Variants in SPTBN1 observed in about 807,000 individuals in gnomAD.
The protein encoded by SPTBN1 is spectrin beta, non-erythrocytic 1, also known as spectrin beta chain, non-erythrocytic 1.
In SPTBN1, 32 loss-of-function variants were observed where a neutral mutation model predicts 266.4. The observed-to-expected ratio is 0.12, with a 90% confidence interval of 0.09 to 0.16. The LOEUF (loss-of-function observed/expected upper bound fraction) is 0.16. Ranked by LOEUF, SPTBN1 falls within the 10% of genes least tolerant of loss-of-function variation. The pLI, the probability that SPTBN1 is intolerant of heterozygous loss-of-function variation, is 1.00. For missense variants in SPTBN1, 2,296 were observed against 3,067.1 expected (o/e 0.75, Z 5.94); for synonymous variants, 1,336 against 1,162.2 (o/e 1.15, Z -3.04).
At chr2:54,477,182 G>A (rs927722158) in intron 1 of SPTBN1, among the ~76,000 whole-genome samples, 3 of 152,116 alleles carry the variant, frequency 2.0e-5, no homozygotes, top group African/African-American at 7.2e-5. Context: ...AGAAGACTTT[G>A]GATTTAAACA....
At chr2:54,544,668 T>C (rs977466354) in intron 2 of SPTBN1, among the ~76,000 whole-genome samples, 6 of 152,184 alleles carry the variant, frequency 3.9e-5, no homozygotes, top group Admixed American at 1.3e-4. Context: ...CAAAAAGATA[T>C]GGCAATATGA....
In SPTBN1 at chr2:54,646,565, A is replaced by T; in HGVS notation, c.4866+90A>T. On this transcript the variant is annotated intron_variant, in intron 23 of 35. Transcript: ENST00000356805. The surrounding 1 kb of genome is among the most constrained non-coding windows in gnomAD (Gnocchi z 4.4). ...TCTGCTGGCGGCTCTGTCTGTATAA[A>T]AACTTCCCTTGTAGCCTTTGAGTGT... 7.2e-7 allele frequency: 1 copy of T among 1,391,248 alleles called. No individual in the cohort carries two copies. Among genetic ancestry groups the T allele is most frequent in the Non-Finnish European group, 9.4e-7 (1 of 1,065,794 alleles). The allele number at this position is 1,391,248 out of a possible 1,614,324, so 86.2% of individuals were successfully genotyped here.
intron 1 of SPTBN1, among the ~76,000 whole-genome samples, chr2:54,512,157 G>A (rs766218809): frequency 6.6e-6 from 1 of 152,178 alleles, no homozygotes; most frequent in Non-Finnish European, 1.5e-5. Flanking sequence ...GCTGTACTTC[G>A]CTTGCTTGTC....
At chr2:54,569,798 T>C (rs1272355791) in intron 2 of SPTBN1, among the ~76,000 whole-genome samples, 1 of 152,194 alleles carries the variant, frequency 6.6e-6, no homozygotes, top group African/African-American at 2.4e-5. Flanking sequence ...TAAGGGCTCA[T>C]AGGATTATTA....
chr2:54,559,433 T>C (rs952268818), intron 2 of SPTBN1, among the ~76,000 whole-genome samples: 7 of 152,358 alleles, frequency 4.6e-5, no homozygotes, highest in Non-Finnish European at 7.3e-5. Flanking sequence ...ATCTATTTAG[T>C]GGGCTATATA....
intron 3 of SPTBN1, among the ~76,000 whole-genome samples, chr2:54,605,623 C>T (rs916586081): frequency 6.6e-6 from 1 of 152,196 alleles, no homozygotes; most frequent in Non-Finnish European, 1.5e-5. Flanking sequence ...TCATGATCAC[C>T]TCTTGAAATT....
At chr2:54,468,474 A>G (rs1241111058) in intron 1 of SPTBN1, among the ~76,000 whole-genome samples, 1 of 152,054 alleles carries the variant, frequency 6.6e-6, no homozygotes, top group African/African-American at 2.4e-5. Flanking sequence ...TAAACTGAAG[A>G]TGTAGAGTTT....
rs552587453 is a variant in SPTBN1, at chr2:54,469,744, C to T, written c.-48+13226C>T. Among the ~76,000 whole-genome samples the T allele has an allele frequency of 2.0e-5, 3 of 152,294 alleles. No individual in the cohort carries two copies. The South Asian group carries it at 6.2e-4, about 32-fold the overall frequency. On this transcript the variant is annotated intron_variant, in intron 1 of 35. Transcript: ENST00000356805. ...CAGTCCTCTGAGCAGATGAGAATAC[C>T]TGTCACTATTTCAGGAGATGAGTTG...
intron 1 of SPTBN1, among the ~76,000 whole-genome samples, chr2:54,496,956 A>G (rs1384660448): frequency 1.3e-5 from 2 of 152,230 alleles, no homozygotes; most frequent in Non-Finnish European, 2.9e-5. Context: ...TGGTTAAATA[A>G]ATTTTGGTAC....
chr2:54,595,934 T>C (rs1676053510), intron 2 of SPTBN1, among the ~76,000 whole-genome samples: 2 of 152,276 alleles, frequency 1.3e-5, no homozygotes, highest in Admixed American at 1.3e-4. Flanking sequence ...GGAATCAAAA[T>C]TGCCCCTGCT....
At chr2:54,647,405 C>T (rs1264082425) in intron 24 of SPTBN1, 144 bp downstream of exon 24, 4 of 1,145,190 alleles carry the variant, frequency 3.5e-6, no homozygotes, top group East Asian at 5.1e-5. Context: ...TTAAAACAGA[C>T]CCATCATTTA....
intron 2 of SPTBN1, among the ~76,000 whole-genome samples, chr2:54,593,823 CTTTTTT>C (rs374877354): frequency 2.9e-4 from 19 of 64,794 alleles, no homozygotes; most frequent in East Asian, 1.6e-3. Context: ...CATGGAAACA[CTTTTTT>C]TTTTTTTTTT....
At position 54,646,973 on chromosome 2, in the gene SPTBN1, C is replaced by A. The variant is rs935726073; in HGVS notation, c.4867-158C>A. The stretch of plus-strand genomic sequence containing the variant: ...CTGTGGTCCAGTCCATATGGAAGCT[C>A]TTGGAACACTTCTGTGTTCCACTGT... On this transcript the variant is annotated intron_variant, in intron 23 of 35. Coordinates refer to ENST00000356805, the MANE Select transcript of SPTBN1 (RefSeq NM_003128.3). This position sits in a 1 kb window ranked among gnomAD's most constrained non-coding sequence, Gnocchi z 4.4. Among the ~76,000 whole-genome samples, 1 of 152,186 alleles carries A rather than the reference C, an allele frequency of 6.6e-6. No individual in the cohort carries two copies. Among genetic ancestry groups the A allele is most frequent in the Non-Finnish European group, 1.5e-5 (1 of 68,032 alleles).
intron 30 of SPTBN1, among the ~76,000 whole-genome samples, chr2:54,658,440 G>A (rs1409270899): frequency 6.6e-6 from 1 of 152,104 alleles, no homozygotes; most frequent in Non-Finnish European, 1.5e-5. Flanking sequence ...CTTAATCCTA[G>A]CCTGTTGTTA....
chr2:54,559,749 T>C (rs1673155247), intron 2 of SPTBN1, among the ~76,000 whole-genome samples: 1 of 152,032 alleles, frequency 6.6e-6, no homozygotes. Context: ...GCCCCTGGAG[T>C]CAGTAGTAGG....
chr2:54,612,156 T>C lies in SPTBN1; in HGVS notation c.301-5T>C. ...GTGTCTCTACCTCTGCTCTCCTGTT[T>C]CTAGCCTAAACCCACCAAGGGACGA... On this transcript the variant is annotated splice_polypyrimidine_tract_variant and splice_region_variant and intron_variant, in intron 3 of 35. Coordinates refer to ENST00000356805, the MANE Select transcript of SPTBN1 (RefSeq NM_003128.3). 6.3e-7 allele frequency: 1 copy of C among 1,585,520 alleles called. No homozygotes were observed.
intron 18 of SPTBN1, among the ~76,000 whole-genome samples, chr2:54,640,359 C>T (rs17046067): frequency 0.15 from 22,657 of 151,986 alleles, 1,784 homozygotes; most frequent in Middle Eastern, 0.21. Context: ...TGTTGGGTGC[C>T]TTGGTTAGAG....
rs749384042 is a variant in SPTBN1 at position 54,647,122 on chromosome 2, T to C, written c.4867-9T>C. On this transcript the variant is annotated splice_polypyrimidine_tract_variant and intron_variant, in intron 23 of 35. Coordinates refer to ENST00000356805, the MANE Select transcript of SPTBN1 (RefSeq NM_003128.3). ...CCGCTATGGTTGTGATGTTCTCCTG[T>C]CTTTGCAGGATGAGCAGAGTGCTGT... 6.2e-7 allele frequency: 1 copy of C among 1,614,182 alleles called. No homozygotes were observed. Among genetic ancestry groups the C allele is most frequent in the South Asian group, 1.1e-5 (1 of 91,088 alleles).
Position 54,670,943 on chromosome 2 carries a change from G to A in SPTBN1, c.*2374G>A, listed in dbSNP as rs987547273. On this transcript the variant is annotated 3_prime_UTR_variant, in exon 36 of 36. Transcript: ENST00000356805. ...AGCTTCAAGCCTGGCAGGGTAAATA[G>A]TTTTTGGGTTTTTTGTTTTTTTTTT... 1.8e-5 allele frequency: 7 copies of A among 396,496 alleles called. No homozygotes were observed. In the East Asian group the frequency reaches 2.5e-4, roughly 14 times the overall value. 24.6% of individuals were successfully genotyped at this position (396,496 alleles called of 1,614,324 possible). A position where few individuals can be genotyped will look rare whatever the true frequency, so the allele number is the denominator to read the frequency against.
Sources: gnomAD v4.1 joint callset for allele counts (sites outside exome capture counted in the v4.1 genomes callset) on GRCh38, gnomAD v4.1.1 for gene constraint, Gnocchi (gnomAD v3.1) non-coding constraint, MANE v1.5 for transcripts, NCBI Gene and HGNC (gene_info 2026-07-23, HGNC 2026-07-21) for gene names.